Variants in SLC9B1 observed in about 807,000 individuals in gnomAD.
SLC9B1 encodes sodium/hydrogen exchanger 9B1.
In SLC9B1, 32 loss-of-function variants were observed where a neutral mutation model predicts 51.7. The observed-to-expected ratio is 0.62, with a 90% CI of 0.47 to 0.83. The LOEUF (loss-of-function observed/expected upper bound fraction) is 0.83. Among genes scored for constraint, SLC9B1 ranks in the 40% least tolerant of loss-of-function variants. The pLI, the probability that SLC9B1 is intolerant of heterozygous loss-of-function variation, is 0.00. For missense variants in SLC9B1, 406 were observed against 613.2 expected (o/e 0.66, Z 3.57); for synonymous variants, 145 against 212.7 (o/e 0.68, Z 2.77).
intron 7 of SLC9B1, among the ~76,000 whole-genome samples, chr4:102,919,848 T>A (rs1402619471): frequency 1.3e-5 from 2 of 152,174 alleles, no homozygotes; most frequent in Non-Finnish European, 2.9e-5. Flanking sequence ...GCAGCCTGGC[T>A]GGGGGAGGGC....
At chr4:102,975,550 T>C (rs188297991) in intron 3 of SLC9B1, among the ~76,000 whole-genome samples, 2,301 of 145,558 alleles carry the variant, frequency 0.016, 61 homozygotes, top group African/African-American at 0.052. Flanking sequence ...ACTATATCTA[T>C]AATGATTATA....
At chr4:102,967,160 C>T (rs1385786530) in intron 3 of SLC9B1, among the ~76,000 whole-genome samples, 1 of 152,236 alleles carries the variant, frequency 6.6e-6, no homozygotes. Context: ...GACTACTTAA[C>T]CAATCTCTAA....
intron 3 of SLC9B1, among the ~76,000 whole-genome samples, chr4:102,970,526 C>T (rs1397217027): frequency 2.0e-5 from 3 of 152,148 alleles, no homozygotes; most frequent in Admixed American, 1.3e-4. Context: ...ACCAGCCACA[C>T]AAAAACATGC....
Position 102,974,240 on chromosome 4 carries a change from T to TAAAA in SLC9B1, c.211+15559_211+15560insTTTT, listed in dbSNP as rs1402190390. Among the ~76,000 whole-genome samples the TAAAA allele has an allele frequency of 3.5e-4, 27 of 76,272 alleles. 2 individuals carry two copies. The highest frequency in any genetic ancestry group is 1.0e-3 in the African/African-American group (19 of 19,094). 50.0% of individuals were successfully genotyped at this position (76,272 alleles called of 152,430 possible). A position where few individuals can be genotyped will look rare whatever the true frequency, so the allele number is the denominator to read the frequency against. ...CAACAGAGCAAGACTCTGTCTAAAATTGAAAAAAAAAAAAAAAAAAAAAAA... is the reference window on the plus strand; with the variant it reads ...CAACAGAGCAAGACTCTGTCTAAAATAAAATGAAAAAAAAAAAAAAAAAAAAAAA... On this transcript the variant is annotated intron_variant, in intron 3 of 11. Transcript: ENST00000296422.
intron 1 of SLC9B1, among the ~76,000 whole-genome samples, chr4:103,002,507 C>A (rs11097797): frequency 0.55 from 83,090 of 151,946 alleles, 23,272 homozygotes; most frequent in African/African-American, 0.68. Flanking sequence ...GAAAAAAATC[C>A]AACAACTATA....
chr4:102,984,555 G>A (rs887916037), intron 3 of SLC9B1, among the ~76,000 whole-genome samples: 2 of 152,182 alleles, frequency 1.3e-5, no homozygotes, highest in African/African-American at 2.4e-5. Flanking sequence ...ATTGTGGTCT[G>A]AGAGCAGAGA....
intron 1 of SLC9B1, among the ~76,000 whole-genome samples, chr4:103,011,518 C>T (rs929826856): frequency 3.9e-5 from 6 of 152,134 alleles, no homozygotes; most frequent in African/African-American, 1.2e-4. Context: ...GGGCTCTCTG[C>T]GGTATCCCTG....
At chr4:102,969,275 T>A (rs1194730978) in intron 3 of SLC9B1, among the ~76,000 whole-genome samples, 1 of 152,186 alleles carries the variant, frequency 6.6e-6, no homozygotes, top group Non-Finnish European at 1.5e-5. Flanking sequence ...CCCTCTGATA[T>A]GAAGCTTCCA....
intron 3 of SLC9B1, among the ~76,000 whole-genome samples, chr4:102,982,216 A>G (rs1041000228): frequency 1.1e-4 from 16 of 151,886 alleles, no homozygotes; most frequent in African/African-American, 3.9e-4. Context: ...AGTTGACAAT[A>G]TTTTTGTGGG....
chr4:102,901,284 G>A lies in SLC9B1; in HGVS notation c.1381C>T (p.His461Tyr). 1 of 1,612,014 alleles carries A rather than the reference G, an allele frequency of 6.2e-7. No homozygotes were observed. The highest frequency in any genetic ancestry group is 8.5e-7 in the Non-Finnish European group (1 of 1,179,830). ...ALETARVSAP[H>Y]LEPYAKDVMT... ...ACATCCTTCGCATATGGTTCCAAGTGGGGTGCGGAGACTCTTGCTGTTTCT... is the reference window on the plus strand; with the variant it reads ...ACATCCTTCGCATATGGTTCCAAGTAGGGTGCGGAGACTCTTGCTGTTTCT... Residue 461 changes from histidine (H) to tyrosine (Y), a missense_variant, in exon 12 of 12, where the codon CAC (histidine) becomes TAC (tyrosine). Physicochemically the swap from His to Tyr is moderately conservative, Grantham distance 83. Around this residue, in one of 6 missense-constraint regions of SLC9B1, gnomAD observed 24 missense variants for 30.7 expected, o/e 0.78. Coordinates refer to ENST00000296422, the MANE Select transcript of SLC9B1 (RefSeq NM_139173.4).
intron 3 of SLC9B1, among the ~76,000 whole-genome samples, chr4:102,978,049 A>G (rs1198139392): frequency 6.6e-6 from 1 of 152,158 alleles, no homozygotes; most frequent in Non-Finnish European, 1.5e-5. Flanking sequence ...AAGAGTGAGA[A>G]TAAGAGGTGT....
chr4:102,913,338 G>C (rs1735429720), intron 7 of SLC9B1, among the ~76,000 whole-genome samples: 1 of 152,196 alleles, frequency 6.6e-6, no homozygotes, highest in African/African-American at 2.4e-5. Flanking sequence ...ACAGATACCA[G>C]AGAGAACAAC....
At chr4:102,983,042 T>C (rs1290498595) in intron 3 of SLC9B1, among the ~76,000 whole-genome samples, 1 of 152,098 alleles carries the variant, frequency 6.6e-6, no homozygotes, top group Non-Finnish European at 1.5e-5. Context: ...TTTTATGCAG[T>C]TGAGGAAGTT....
chr4:102,960,826 G>A (rs1174442409), intron 3 of SLC9B1, among the ~76,000 whole-genome samples: 8 of 151,076 alleles, frequency 5.3e-5, no homozygotes, highest in East Asian at 1.9e-4. Flanking sequence ...TCCGCCTCCC[G>A]GGTTCAAGCG....
chr4:102,984,702 T>G (rs1739526147), intron 3 of SLC9B1, among the ~76,000 whole-genome samples: 2 of 152,224 alleles, frequency 1.3e-5, no homozygotes, highest in South Asian at 4.1e-4. Flanking sequence ...GTCAATTATA[T>G]CCAGTTGACT....
At chr4:102,991,359 C>T (rs772620921) in intron 2 of SLC9B1, among the ~76,000 whole-genome samples, 2 of 152,028 alleles carry the variant, frequency 1.3e-5, no homozygotes, top group Non-Finnish European at 2.9e-5. Context: ...GTTTAAGTTA[C>T]TGAGTTTTCC....
At chr4:102,985,582 G>C (rs984240702) in intron 3 of SLC9B1, among the ~76,000 whole-genome samples, 1 of 151,668 alleles carries the variant, frequency 6.6e-6, no homozygotes, top group South Asian at 2.1e-4. Context: ...GGAGTGCAGC[G>C]GTGTGATCTC....
chr4:102,980,010 GATC>G (rs1739273961), intron 3 of SLC9B1, among the ~76,000 whole-genome samples: 1 of 152,130 alleles, frequency 6.6e-6, no homozygotes, highest in Non-Finnish European at 1.5e-5. Flanking sequence ...CAACCTCACT[GATC>G]ATTAGAGAAA....
intron 1 of SLC9B1, among the ~76,000 whole-genome samples, chr4:103,006,991 G>A (rs10029073): frequency 0.55 from 83,135 of 152,010 alleles, 23,290 homozygotes; most frequent in African/African-American, 0.68. Flanking sequence ...AAATAATGTC[G>A]TTTATGACAA....
Sources: gnomAD v4.1 joint callset for allele counts (sites outside exome capture counted in the v4.1 genomes callset) on GRCh38, gnomAD v4.1.1 for gene constraint, gnomAD v4.1.1 regional missense constraint, MANE v1.5 for transcripts, NCBI Gene and HGNC (gene_info 2026-07-23, HGNC 2026-07-21) for gene names.